PAPPA2: variants seen among roughly 807,000 people sequenced by gnomAD.
The protein encoded by PAPPA2 is pappalysin-2.
In PAPPA2, 86 loss-of-function variants were observed where a neutral mutation model predicts 176.4. The ratio of observed to expected loss-of-function variants is 0.49; its 90% confidence interval spans 0.41 to 0.58. The LOEUF (loss-of-function observed/expected upper bound fraction) is 0.58, where lower values mean the gene tolerates loss of function less well. Among genes scored for constraint, PAPPA2 ranks in the 20% least tolerant of loss-of-function variants. The pLI, the probability that PAPPA2 is intolerant of heterozygous loss-of-function variation, is 0.00. For missense variants in PAPPA2, 2,073 were observed against 2,256.9 expected (o/e 0.92, Z 1.65); for synonymous variants, 809 against 852.2 (o/e 0.95, Z 0.88).
At chr1:176,619,709 T>C (rs1205969541) in intron 3 of PAPPA2, among the ~76,000 whole-genome samples, 1 of 152,210 alleles carries the variant, frequency 6.6e-6, no homozygotes, top group Admixed American at 6.5e-5. Flanking sequence ...ACCTTTTCTA[T>C]GGGTCTTTCT....
At chr1:176,785,924 G>A (rs1289423677) in intron 17 of PAPPA2, among the ~76,000 whole-genome samples, 2 of 152,094 alleles carry the variant, frequency 1.3e-5, no homozygotes, top group African/African-American at 2.4e-5. Flanking sequence ...AAATATGATC[G>A]TCCTGGCCAA....
intron 3 of PAPPA2, among the ~76,000 whole-genome samples, chr1:176,653,271 C>T (rs941454142): frequency 2.6e-5 from 4 of 151,724 alleles, no homozygotes; most frequent in African/African-American, 7.3e-5. Flanking sequence ...AGAGGATCAT[C>T]CCCATTCCAC....
chr1:176,666,890 C>A (rs148648764), intron 3 of PAPPA2, among the ~76,000 whole-genome samples: 2 of 151,952 alleles, frequency 1.3e-5, no homozygotes, highest in African/African-American at 4.8e-5. Flanking sequence ...ATAAGGGTGA[C>A]AATGAGAATG....
intron 1 of PAPPA2, among the ~76,000 whole-genome samples, chr1:176,477,772 A>AAAAT (rs1350579665): frequency 9.2e-6 from 1 of 108,896 alleles, no homozygotes; most frequent in African/African-American, 5.4e-5. Context: ...AAAACATTAA[A>AAAAT]AAATAAATAA....
At chr1:176,674,602 T>C (rs1659184657) in intron 4 of PAPPA2, among the ~76,000 whole-genome samples, 1 of 152,160 alleles carries the variant, frequency 6.6e-6, no homozygotes, top group Admixed American at 6.6e-5. Flanking sequence ...TATTCCTTTT[T>C]ATGGCTGAGT....
chr1:176,706,845 G>A (rs1660904765), intron 10 of PAPPA2, among the ~76,000 whole-genome samples: 1 of 152,100 alleles, frequency 6.6e-6, no homozygotes, highest in South Asian at 2.1e-4. Context: ...CAATCAAATG[G>A]ACTCTACATA....
chr1:176,839,315 T>A (rs1667393857), intron 21 of PAPPA2, among the ~76,000 whole-genome samples: 3 of 152,348 alleles, frequency 2.0e-5, no homozygotes, highest in Admixed American at 1.3e-4. Flanking sequence ...CTGAGCTATT[T>A]TTTAACAACT....
At chr1:176,808,345 T>C (rs969809743) in intron 21 of PAPPA2, among the ~76,000 whole-genome samples, 3 of 152,186 alleles carry the variant, frequency 2.0e-5, no homozygotes, top group African/African-American at 7.2e-5. Flanking sequence ...TAGGCAGGGA[T>C]TAATTCATAT....
rs749281534 is a variant in PAPPA2, at chr1:176,695,873, A to G, written c.2746+14A>G. ...AGGAGGCTGTGGGTAAAGTACCATG[A>G]CATTTTTTCTTTATACCCTGGTGAC... On this transcript the variant is annotated intron_variant, in intron 7 of 22. Coordinates refer to ENST00000367662, the MANE Select transcript of PAPPA2 (RefSeq NM_020318.3). The G allele has an allele frequency of 1.2e-6, 2 of 1,613,164 alleles. No homozygotes were observed. The highest frequency in any genetic ancestry group is 2.2e-5 in the East Asian group (1 of 44,862).
At chr1:176,646,697 A>G (rs1375954038) in intron 3 of PAPPA2, among the ~76,000 whole-genome samples, 3 of 151,530 alleles carry the variant, frequency 2.0e-5, no homozygotes, top group Non-Finnish European at 3.0e-5. Context: ...TTCACTTAAC[A>G]TAATGAAATC....
intron 1 of PAPPA2, among the ~76,000 whole-genome samples, chr1:176,519,337 G>A (rs984523458): frequency 6.6e-6 from 1 of 152,136 alleles, no homozygotes; most frequent in African/African-American, 2.4e-5. Context: ...GGCTGCGGGA[G>A]ACTCCTGGAG....
intron 14 of PAPPA2, among the ~76,000 whole-genome samples, chr1:176,752,465 C>A (rs1227096310): frequency 1.3e-5 from 2 of 151,746 alleles, no homozygotes; most frequent in Non-Finnish European, 2.9e-5. Context: ...AATTAACATA[C>A]CTGCCTTGCT....
Position 176,556,140 on chromosome 1 carries a change from C to T in PAPPA2, c.-183C>T. 4.4e-6 allele frequency: 3 copies of T among 679,446 alleles called. No homozygotes were observed. Among genetic ancestry groups the T allele is most frequent in the Non-Finnish European group, 7.3e-6 (3 of 409,308 alleles). 42.1% of individuals were successfully genotyped at this position (679,446 alleles called of 1,614,324 possible). On this transcript the variant is annotated 5_prime_UTR_variant, in exon 2 of 23. Transcript: ENST00000367662. ...AGGCATAGAAGCCACACTGGCAGAG[C>T]GGCCAGCACAGGTAGCCAGCAGAGG...
chr1:176,487,579 G>T (rs1652700870), intron 1 of PAPPA2, among the ~76,000 whole-genome samples: 1 of 152,192 alleles, frequency 6.6e-6, no homozygotes. Context: ...AACATGGCCT[G>T]TTCTGCAACA....
chr1:176,651,981 G>GT (rs1008826218), intron 3 of PAPPA2, among the ~76,000 whole-genome samples: 2 of 150,656 alleles, frequency 1.3e-5, no homozygotes, highest in Non-Finnish European at 3.0e-5. Flanking sequence ...CAACATTTCT[G>GT]TTTTTTTAAA....
intron 17 of PAPPA2, among the ~76,000 whole-genome samples, chr1:176,784,674 C>A (rs1571323222): frequency 6.6e-6 from 1 of 151,844 alleles, no homozygotes; most frequent in Non-Finnish European, 1.5e-5. Context: ...ACAACCTCCG[C>A]CTCCCAGGTT....
intron 4 of PAPPA2, among the ~76,000 whole-genome samples, chr1:176,677,013 A>G (rs776430687): frequency 3.9e-5 from 6 of 152,156 alleles, no homozygotes; most frequent in African/African-American, 9.7e-5. Flanking sequence ...ACCCTACAAC[A>G]TGATTATTAA....
chr1:176,785,403 G>A (rs1452693004), intron 17 of PAPPA2, among the ~76,000 whole-genome samples: 2 of 152,152 alleles, frequency 1.3e-5, no homozygotes, highest in Non-Finnish European at 2.9e-5. Context: ...GTTGTCTGAT[G>A]TAGAGAGATG....
intron 1 of PAPPA2, among the ~76,000 whole-genome samples, chr1:176,490,945 G>C (rs1647259722): frequency 6.6e-6 from 1 of 152,196 alleles, no homozygotes; most frequent in Non-Finnish European, 1.5e-5. Context: ...CAAGATGTCT[G>C]GTGACTATGT....
Sources: gnomAD v4.1 joint callset for allele counts (sites outside exome capture counted in the v4.1 genomes callset) on GRCh38, gnomAD v4.1.1 for gene constraint, MANE v1.5 for transcripts, NCBI Gene and HGNC (gene_info 2026-07-23, HGNC 2026-07-21) for gene names.